CLASP1: variants seen among roughly 807,000 people sequenced by gnomAD.
CLASP1 encodes the protein cytoplasmic linker associated protein 1.
In CLASP1, 38 loss-of-function variants were observed where a neutral mutation model predicts 192.3. The observed-to-expected ratio is 0.20, with a 90% confidence interval of 0.15 to 0.26. The LOEUF (loss-of-function observed/expected upper bound fraction) is 0.26, where lower values mean the gene tolerates loss of function less well. CLASP1 is among the 10% of genes least tolerant of loss of function. CLASP1 has a pLI of 1.00. For synonymous variants in CLASP1, 691 were observed against 712.8 expected, an observed-to-expected ratio of 0.97 and a Z score of 0.49; for missense variants, 1,433 against 1,932.5, an observed-to-expected ratio of 0.74 and a Z score of 4.85.
intron 1 of CLASP1, among the ~76,000 whole-genome samples, chr2:121,632,293 C>T (rs1238849555): frequency 6.6e-6 from 1 of 151,986 alleles, no homozygotes; most frequent in African/African-American, 2.4e-5. Context: ...TCAAAACCTC[C>T]AACGTGAATA....
chr2:121,338,925 T>C (rs978198048), exon 40 of CLASP1: 10 of 152,522 alleles, frequency 6.6e-5, no homozygotes, highest in African/African-American at 2.4e-4. Flanking sequence ...ACTCCCTAAT[T>C]CACTTGTAGA....
At chr2:121,421,293 T>A (rs1174741299) in intron 22 of CLASP1, among the ~76,000 whole-genome samples, 1 of 152,222 alleles carries the variant, frequency 6.6e-6, no homozygotes, top group Non-Finnish European at 1.5e-5. Flanking sequence ...TCTTGCTCTG[T>A]CACCTGGGCT....
chr2:121,528,269 T>C (rs2094633080), intron 4 of CLASP1, among the ~76,000 whole-genome samples: 1 of 152,068 alleles, frequency 6.6e-6, no homozygotes, highest in Non-Finnish European at 1.5e-5. Flanking sequence ...CAGTAGAAGC[T>C]GGGAAAGCAG....
chr2:121,582,117 C>T (rs899994987), intron 2 of CLASP1, among the ~76,000 whole-genome samples: 1 of 151,242 alleles, frequency 6.6e-6, no homozygotes, highest in African/African-American at 2.4e-5. Context: ...GAGCCAAGAT[C>T]GTGCCACTCT....
chr2:121,442,056 G>A lies in CLASP1; in HGVS notation c.1912+5281C>T, dbSNP rs575482487. Among the ~76,000 whole-genome samples, 5 of 152,200 alleles carry A rather than the reference G, an allele frequency of 3.3e-5. No homozygotes were observed. The South Asian group carries it at 8.3e-4, about 25-fold the overall frequency. ...CATGATTATTCCCCAAACAAACAAT[G>A]GTTGTCAGCCCCACAGGCCATTCAA... On this transcript the variant is annotated intron_variant, in intron 19 of 39. Transcript: ENST00000263710.
At chr2:121,435,617 T>C (rs1209303460) in intron 19 of CLASP1, among the ~76,000 whole-genome samples, 1 of 152,204 alleles carries the variant, frequency 6.6e-6, no homozygotes, top group Non-Finnish European at 1.5e-5. Flanking sequence ...TGATTTTTCA[T>C]TTTCCTTTTA....
intron 2 of CLASP1, among the ~76,000 whole-genome samples, chr2:121,564,912 A>G (rs749322756): frequency 6.6e-6 from 1 of 152,188 alleles, no homozygotes; most frequent in Non-Finnish European, 1.5e-5. Flanking sequence ...ATGGGGCAAG[A>G]AGCACTGGGA....
At chr2:121,452,663 C>A (rs970830831) in intron 14 of CLASP1, among the ~76,000 whole-genome samples, 1 of 151,962 alleles carries the variant, frequency 6.6e-6, no homozygotes, top group Non-Finnish European at 1.5e-5. Context: ...TGGTGGCGGG[C>A]GCCTGTAATC....
At chr2:121,504,334 T>G (rs752239619) in intron 7 of CLASP1, among the ~76,000 whole-genome samples, 1 of 152,200 alleles carries the variant, frequency 6.6e-6, no homozygotes, top group Non-Finnish European at 1.5e-5. Flanking sequence ...TTTAGGGACA[T>G]TTTAAGTGCT....
chr2:121,367,549 C>T, intron 35 of CLASP1, 39 bp downstream of exon 36: 1 of 1,611,798 alleles, frequency 6.2e-7, no homozygotes, highest in Admixed American at 1.7e-5. Context: ...ACAAGGGAAG[C>T]ACTTCTGGGT....
intron 2 of CLASP1, among the ~76,000 whole-genome samples, chr2:121,563,534 T>C (rs757532749): frequency 3.4e-4 from 52 of 152,178 alleles, no homozygotes; most frequent in Non-Finnish European, 5.3e-4. Flanking sequence ...TATTAAAAAA[T>C]ATGCTAACTT....
At chr2:121,481,878 T>C (rs1046835316) in intron 8 of CLASP1, among the ~76,000 whole-genome samples, 1 of 152,182 alleles carries the variant, frequency 6.6e-6, no homozygotes, top group Non-Finnish European at 1.5e-5. Context: ...AGGGAAGTCA[T>C]GGTTCTCACT....
intron 32 of CLASP1, among the ~76,000 whole-genome samples, chr2:121,382,917 A>G (rs113465200): frequency 1.1e-3 from 161 of 152,312 alleles, no homozygotes; most frequent in African/African-American, 3.7e-3. Flanking sequence ...CCGTAGCACC[A>G]CTAGAGGGCT....
At chr2:121,643,002 C>G (rs548380825) in intron 1 of CLASP1, among the ~76,000 whole-genome samples, 1 of 152,232 alleles carries the variant, frequency 6.6e-6, no homozygotes, top group South Asian at 2.1e-4. Flanking sequence ...TGCAGTAAGA[C>G]TATAAATATA....
chr2:121,549,706 CAAAA>C (rs57551536), intron 2 of CLASP1, among the ~76,000 whole-genome samples: 5 of 70,632 alleles, frequency 7.1e-5, no homozygotes, highest in African/African-American at 1.1e-4. Context: ...CAATCCTCTG[CAAAA>C]AAAAAAAAAA....
intron 8 of CLASP1, among the ~76,000 whole-genome samples, chr2:121,485,292 CTG>C (rs1229279286): frequency 2.0e-5 from 3 of 152,218 alleles, no homozygotes; most frequent in Non-Finnish European, 4.4e-5. Context: ...GCAAGGCTAA[CTG>C]TTTTGGCAGG....
At chr2:121,625,427 ATTTTTTTTTTT>A (rs397868546) in intron 1 of CLASP1, among the ~76,000 whole-genome samples, 11 of 95,752 alleles carry the variant, frequency 1.1e-4, no homozygotes, top group African/African-American at 4.0e-4. Context: ...TCTTTCTTTC[ATTTTTTTTTTT>A]TTTTTTTTTT....
intron 6 of CLASP1, among the ~76,000 whole-genome samples, chr2:121,523,810 C>T (rs2094510055): frequency 6.6e-6 from 1 of 152,080 alleles, no homozygotes; most frequent in Non-Finnish European, 1.5e-5. Context: ...CTAGTAATCT[C>T]CATCCCCTTC....
chr2:121,382,800 G>A (rs767779897), intron 32 of CLASP1, among the ~76,000 whole-genome samples: 2 of 152,202 alleles, frequency 1.3e-5, no homozygotes, highest in African/African-American at 2.4e-5. Context: ...CTCAGAGACC[G>A]TGCTACTCTG....
Sources: allele counts gnomAD v4.1 joint callset (sites outside exome capture counted in the v4.1 genomes callset), GRCh38; gene constraint gnomAD v4.1.1; transcripts MANE v1.5; gene names NCBI Gene and HGNC (gene_info 2026-07-23, HGNC 2026-07-21).